Variants in CRCP observed in about 807,000 individuals in gnomAD.
The protein encoded by CRCP is CGRP receptor component.
CRCP carries 18 observed loss-of-function variants against 18.5 expected under a neutral mutation model. That is an observed-to-expected ratio of 0.97 (90% CI 0.67 to 1.44). The LOEUF (loss-of-function observed/expected upper bound fraction) is 1.44, where lower values mean the gene tolerates loss of function less well. Ranked by LOEUF, CRCP falls within the 40% of genes most tolerant of loss-of-function variation. The probability of loss-of-function intolerance (pLI) is 0.00; values close to 1 mark genes in which losing one functional copy is unlikely to be tolerated. For synonymous variants in CRCP, 53 were observed against 62.9 expected (o/e 0.84, Z 0.75); for missense variants, 130 against 176.4 (o/e 0.74, Z 1.49).
intron 4 of CRCP, among the ~76,000 whole-genome samples, chr7:66,144,480 G>A (rs1356803373): frequency 2.0e-5 from 3 of 152,120 alleles, no homozygotes; most frequent in Admixed American, 2.0e-4. Flanking sequence ...CACACAAGAT[G>A]ATTTTGTGTG....
intron 1 of CRCP, among the ~76,000 whole-genome samples, chr7:66,118,145 T>C (rs1422986933): frequency 2.0e-5 from 3 of 151,818 alleles, no homozygotes; most frequent in Admixed American, 6.6e-5. Context: ...GCCCAGCTAA[T>C]TTATGTATTT....
chr7:66,118,166 C>T (rs149092603), intron 1 of CRCP, among the ~76,000 whole-genome samples: 107 of 152,168 alleles, frequency 7.0e-4, no homozygotes, highest in African/African-American at 2.5e-3. Flanking sequence ...TTAGTAGAGA[C>T]GGGGTTTCCA....
At chr7:66,118,848 C>T (rs1355735453) in intron 1 of CRCP, among the ~76,000 whole-genome samples, 5 of 152,172 alleles carry the variant, frequency 3.3e-5, no homozygotes, top group African/African-American at 7.2e-5. Flanking sequence ...GTTCCTGAAG[C>T]GGCCTTGGGA....
chr7:66,126,863 C>T (rs987106142), intron 1 of CRCP, among the ~76,000 whole-genome samples: 3 of 144,308 alleles, frequency 2.1e-5, no homozygotes, highest in East Asian at 2.1e-4. Context: ...CTATAGTTGC[C>T]GTTTCATAGA....
chr7:66,144,560 C>T (rs1394658190), intron 4 of CRCP, among the ~76,000 whole-genome samples: 1 of 152,220 alleles, frequency 6.6e-6, no homozygotes, highest in South Asian at 2.1e-4. Flanking sequence ...CTAAAGCGAT[C>T]CTCCTGCCTC....
chr7:66,139,718 C>T (rs766380358), intron 4 of CRCP, among the ~76,000 whole-genome samples: 6 of 152,160 alleles, frequency 3.9e-5, no homozygotes, highest in Admixed American at 6.5e-5. Flanking sequence ...ACTGGACTGG[C>T]GGTGGAACTT....
intron 5 of CRCP, chr7:66,150,850 T>C (rs748047849): frequency 7.9e-5 from 12 of 151,326 alleles, no homozygotes; most frequent in Non-Finnish European, 1.5e-4. Flanking sequence ...GCAAACAGGG[T>C]TAAGCAACTT....
At chr7:66,128,277 A>G (rs1211496099) in intron 2 of CRCP, among the ~76,000 whole-genome samples, 1 of 152,154 alleles carries the variant, frequency 6.6e-6, no homozygotes, top group African/African-American at 2.4e-5. Context: ...GGAAGACTCT[A>G]TTTTAGAGGG....
intron 2 of CRCP, 71 bp from the exon 3 acceptor site, chr7:66,130,673 A>G (rs1418181048): frequency 1.1e-6 from 1 of 900,388 alleles, no homozygotes; most frequent in Non-Finnish European, 1.8e-6. Context: ...TTTATCCTTC[A>G]AAACCACTGA....
intron 5 of CRCP, among the ~76,000 whole-genome samples, chr7:66,149,592 A>T (rs1420700703): frequency 6.6e-6 from 1 of 152,228 alleles, no homozygotes; most frequent in Non-Finnish European, 1.5e-5. Flanking sequence ...TGCTAAGTTC[A>T]CTAACGGCCG....
chr7:66,124,202 A>C (rs1484271025), intron 1 of CRCP, among the ~76,000 whole-genome samples: 1 of 150,690 alleles, frequency 6.6e-6, no homozygotes, highest in East Asian at 2.0e-4. Flanking sequence ...TCTACCAAAA[A>C]TACAAAAAAT....
intron 4 of CRCP, among the ~76,000 whole-genome samples, chr7:66,145,147 ACT>A (rs1165277824): frequency 1.3e-5 from 2 of 151,436 alleles, no homozygotes; most frequent in East Asian, 1.9e-4. Context: ...TAAGAGGAAA[ACT>A]CTGTCTCAAA....
At chr7:66,133,285 C>CCCGAG (rs1787863861) in intron 3 of CRCP, among the ~76,000 whole-genome samples, 1 of 152,016 alleles carries the variant, frequency 6.6e-6, no homozygotes, top group Non-Finnish European at 1.5e-5. Context: ...GCGGGTGGAT[C>CCCGAG]ACGAGGTCAG....
chr7:66,115,029 G>A, intron 1 of CRCP, 59 bp downstream of exon 1: 1 of 1,582,842 alleles, frequency 6.3e-7, no homozygotes, highest in Non-Finnish European at 8.6e-7. Context: ...TGACCGCTGA[G>A]AGCTGAGAGC....
intron 3 of CRCP, among the ~76,000 whole-genome samples, chr7:66,131,983 A>C (rs552468537): frequency 6.3e-5 from 1 of 15,942 alleles, no homozygotes; most frequent in Non-Finnish European, 1.2e-4. Flanking sequence ...CGGGTATCAA[A>C]CTCCCGACCT....
At chr7:66,126,720 A>T in intron 1 of CRCP, 1 of 387,440 alleles carries the variant, frequency 2.6e-6, no homozygotes, top group Non-Finnish European at 5.2e-6. Context: ...TTGATGAGGT[A>T]GGAGTTGCTG....
Position 66,126,261 on chromosome 7 carries a change from C to G in CRCP, c.9-1443C>G, listed in dbSNP as rs117400998. 2.3e-3 allele frequency among the ~76,000 whole-genome samples: 338 copies of G among 149,290 alleles called. 4 individuals carry two copies. Among genetic ancestry groups the G allele is most frequent in the African/African-American group, 8.0e-3 (331 of 41,374 alleles). On this transcript the variant is annotated intron_variant, in intron 1 of 5. Coordinates refer to ENST00000395326, the MANE Select transcript of CRCP (RefSeq NM_014478.5). ...GTTAGTTTTGCTTTATTTATTGACT[C>G]GGAAGTCACCTATCTGGCCCATGCT...
chr7:66,127,851 C>T (rs1367818653), intron 2 of CRCP, 111 bp downstream of exon 2: 6 of 1,175,342 alleles, frequency 5.1e-6, no homozygotes, highest in South Asian at 2.5e-5. Context: ...CAGTGGTTCA[C>T]GCCTGTAATC....
chr7:66,138,479 C>G (rs1392011765), intron 4 of CRCP, among the ~76,000 whole-genome samples: 1 of 151,956 alleles, frequency 6.6e-6, no homozygotes, highest in Non-Finnish European at 1.5e-5. Flanking sequence ...TTATCCCCCT[C>G]TACTCCTACT....
Sources: gnomAD v4.1 joint callset for allele counts (sites outside exome capture counted in the v4.1 genomes callset) on GRCh38, gnomAD v4.1.1 for gene constraint, MANE v1.5 for transcripts, NCBI Gene and HGNC (gene_info 2026-07-23, HGNC 2026-07-21) for gene names.